Variants in PRTG observed in about 807,000 individuals in gnomAD.
PRTG encodes immunoglobulin superfamily, DCC subclass, member 5.
Under a neutral mutation model 122.5 loss-of-function variants are expected in PRTG, and 67 were observed. The ratio of observed to expected loss-of-function variants is 0.55; its 90% CI spans 0.45 to 0.67. The LOEUF (loss-of-function observed/expected upper bound fraction) is 0.67, where lower values mean the gene tolerates loss of function less well. Ranked by LOEUF, PRTG falls within the 30% of genes least tolerant of loss-of-function variation. The probability of loss-of-function intolerance (pLI) is 0.00; values close to 1 mark genes in which losing one functional copy is unlikely to be tolerated. For missense variants in PRTG, 1,435 were observed against 1,415.4 expected (o/e 1.01, Z -0.22); for synonymous variants, 554 against 501.1 (o/e 1.11, Z -1.41).
chr15:55,656,142 T>A (rs1202101675), intron 11 of PRTG: 4 of 272,648 alleles, frequency 1.5e-5, no homozygotes, highest in Non-Finnish European at 2.9e-5. Flanking sequence ...TAATATATAG[T>A]CTGTATTTAA....
chr15:55,628,694 C>G (rs2059208907), intron 16 of PRTG, 128 bp downstream of exon 16: 1 of 701,786 alleles, frequency 1.4e-6, no homozygotes, highest in South Asian at 2.8e-5. Context: ...ATCAGAAGCT[C>G]ATCAGCAACA....
At chr15:55,634,063 CTTTTTT>C (rs10711487) in intron 15 of PRTG, among the ~76,000 whole-genome samples, 2 of 73,844 alleles carry the variant, frequency 2.7e-5, no homozygotes, top group Non-Finnish European at 5.5e-5. Flanking sequence ...ATATACATTG[CTTTTTT>C]TTTTTTTTTT....
At position 55,675,476 on chromosome 15, in the gene PRTG, ACGAATGTTCAT is replaced by A. The variant is rs762722853; in HGVS notation, c.1546+32_1546+42del. The A allele has an allele frequency of 2.2e-6, 3 of 1,370,502 alleles. No homozygotes were observed. In the African/African-American group the frequency reaches 4.3e-5, roughly 20 times the overall value. The allele number at this position is 1,370,502 out of a possible 1,614,324, so 84.9% of individuals were successfully genotyped here. On this transcript the variant is annotated intron_variant, in intron 9 of 19. Coordinates refer to ENST00000389286, the MANE Select transcript of PRTG (RefSeq NM_173814.6). The stretch of plus-strand genomic sequence containing the variant: ...TTATTCATTGAAATTGACAAAACAT[ACGAATGTTCAT>A]ACTGAAATGATCTAGAATCATGTTT...
At chr15:55,636,111 T>TA (rs545080280) in intron 15 of PRTG, among the ~76,000 whole-genome samples, 2,269 of 142,210 alleles carry the variant, frequency 0.016, 54 homozygotes, top group African/African-American at 0.049. Flanking sequence ...GATTCTGTCT[T>TA]AAAAAAAAAA....
At chr15:55,725,435 A>C (rs1402126532) in intron 2 of PRTG, among the ~76,000 whole-genome samples, 1 of 152,120 alleles carries the variant, frequency 6.6e-6, no homozygotes, top group African/African-American at 2.4e-5. Context: ...CTCTATAAAA[A>C]ATACGAAAAA....
chr15:55,673,740 A>G, intron 9 of PRTG, 64 bp from the exon 10 acceptor site: 1 of 1,247,408 alleles, frequency 8.0e-7, no homozygotes, highest in East Asian at 2.3e-5. Flanking sequence ...TTAGCACACC[A>G]GTAACTGAAT....
chr15:55,661,124 T>A (rs1007910237), intron 11 of PRTG, among the ~76,000 whole-genome samples: 1 of 152,208 alleles, frequency 6.6e-6, no homozygotes, highest in African/African-American at 2.4e-5. Flanking sequence ...GGTTTTGTCT[T>A]GCTTTCCCTA....
rs187183529 is a variant in PRTG at position 55,704,738 on chromosome 15, A to G, written c.398-20807T>C. Among the ~76,000 whole-genome samples the G allele has an allele frequency of 2.3e-3, 350 of 152,324 alleles. 2 individuals are homozygous for G. Among genetic ancestry groups the G allele is most frequent in the African/African-American group, 8.2e-3 (342 of 41,586 alleles). On this transcript the variant is annotated intron_variant, in intron 2 of 19. Coordinates refer to ENST00000389286, the MANE Select transcript of PRTG (RefSeq NM_173814.6). ...ATCAATTAGTCTACTTATGACATTC[A>G]GTCACAAACTGGGAATCAATCACTA...
intron 9 of PRTG, 92 bp downstream of exon 9, chr15:55,675,427 G>C: frequency 1.1e-6 from 1 of 926,762 alleles, no homozygotes; most frequent in Admixed American, 2.6e-5. Flanking sequence ...TAACCAAAAA[G>C]AGGATATTTT....
At chr15:55,652,453 T>C (rs1272499643) in intron 11 of PRTG, among the ~76,000 whole-genome samples, 2 of 152,204 alleles carry the variant, frequency 1.3e-5, no homozygotes, top group Non-Finnish European at 2.9e-5. Context: ...AGGCCCATTG[T>C]TCCCCTGCAG....
chr15:55,743,141 T>TGGGGGCGGAGTGAGGCGGCGGCTGCA lies in PRTG; in HGVS notation c.-211_-210insTGCAGCCGCCGCCTCACTCCGCCCCC. The TGGGGGCGGAGTGAGGCGGCGGCTGCA allele has an allele frequency of 1.6e-6, 2 of 1,248,028 alleles. No homozygotes were observed. The highest frequency in any genetic ancestry group is 3.4e-5 in the East Asian group (1 of 29,576). 77.3% of individuals were successfully genotyped at this position (1,248,028 alleles called of 1,614,324 possible). ...GAAGCAAGGGGCCTGAGAGTCCGGC[T>TGGGGGCGGAGTGAGGCGGCGGCTGCA]GGGGGCGGAGTGAGGCGGCGGCTGC... On this transcript the variant is annotated 5_prime_UTR_variant, in exon 1 of 20. Transcript: ENST00000389286.
chr15:55,636,819 G>C (rs911506387), intron 15 of PRTG, among the ~76,000 whole-genome samples: 5 of 152,018 alleles, frequency 3.3e-5, no homozygotes, highest in Admixed American at 1.3e-4. Context: ...GCTAATTTTT[G>C]TATTTTTAGT....
rs185078701 is a variant in PRTG at position 55,638,250 on chromosome 15, G to A, written c.2452+299C>T. ...TTAACAAACATATTATTCACTTACCGCCATTTAAAATTTTTTGGCTGCAAA... is the reference window on the plus strand; with the variant it reads ...TTAACAAACATATTATTCACTTACCACCATTTAAAATTTTTTGGCTGCAAA... On this transcript the variant is annotated intron_variant, in intron 14 of 19. Transcript: ENST00000389286. Among the ~76,000 whole-genome samples, 156 of 152,098 alleles carry A rather than the reference G, an allele frequency of 1.0e-3. 1 individual carries two copies. Among genetic ancestry groups the A allele is most frequent in the East Asian group, 3.3e-3 (17 of 5,180 alleles).
Position 55,622,858 on chromosome 15 carries a change from A to T in PRTG, c.3093+1484T>A, listed in dbSNP as rs566353783. 1.2e-4 allele frequency among the ~76,000 whole-genome samples: 18 copies of T among 152,308 alleles called. No individual in the cohort carries two copies. The South Asian group carries it at 3.3e-3, about 28-fold the overall frequency. On this transcript the variant is annotated intron_variant, in intron 18 of 19. Transcript: ENST00000389286. Reference sequence around the variant, plus strand: ...GCCTGTATCAGTACTTTTTAAGCTCATTTAAAAGTTTTAGGTTCTAATGTT... The same window carrying T: ...GCCTGTATCAGTACTTTTTAAGCTCTTTTAAAAGTTTTAGGTTCTAATGTT...
chr15:55,711,091 T>TTTA (rs1394068858), intron 2 of PRTG, among the ~76,000 whole-genome samples: 2 of 150,538 alleles, frequency 1.3e-5, no homozygotes, highest in African/African-American at 4.9e-5. Flanking sequence ...ATTTTTTTTT[T>TTTA]TTTTTTTTTT....
chr15:55,679,098 C>T (rs1567095905), intron 7 of PRTG, among the ~76,000 whole-genome samples, 188 bp downstream of exon 7: 1 of 152,034 alleles, frequency 6.6e-6, no homozygotes, highest in Non-Finnish European at 1.5e-5. Context: ...TATAAAATAC[C>T]AATGAGTATT....
chr15:55,627,276 G>T, intron 16 of PRTG, 148 bp from the exon 17 acceptor site: 1 of 401,988 alleles, frequency 2.5e-6, no homozygotes. Context: ...AGGACACACA[G>T]TAATCTTTAA....
intron 15 of PRTG, among the ~76,000 whole-genome samples, chr15:55,635,071 CTGGGTGTG>C (rs1318718027): frequency 0.05 from 1,576 of 31,586 alleles, 19 homozygotes; most frequent in East Asian, 0.17. Flanking sequence ...GTTGTTGGTT[CTGGGTGTG>C]TGTGTGTGTG....
chr15:55,638,847 T>C (rs1043198978), intron 13 of PRTG, among the ~76,000 whole-genome samples, 171 bp from the exon 14 acceptor site: 1 of 152,240 alleles, frequency 6.6e-6, no homozygotes, highest in African/African-American at 2.4e-5. Flanking sequence ...TAAAAAATAC[T>C]ACATTTGGTA....
Sources: gnomAD v4.1 joint callset for allele counts (sites outside exome capture counted in the v4.1 genomes callset) on GRCh38, gnomAD v4.1.1 for gene constraint, MANE v1.5 for transcripts, NCBI Gene and HGNC (gene_info 2026-07-23, HGNC 2026-07-21) for gene names.